SLC27A6: variants seen among roughly 807,000 people sequenced by gnomAD.
SLC27A6 encodes the protein solute carrier family 27 member 6.
Under a neutral mutation model 63.9 loss-of-function variants are expected in SLC27A6, and 74 were observed. That is an observed-to-expected ratio of 1.16 (90% CI 0.96 to 1.40). The LOEUF (loss-of-function observed/expected upper bound fraction) is 1.40, where lower values mean the gene tolerates loss of function less well. Ranked by LOEUF, SLC27A6 falls within the 40% of genes most tolerant of loss-of-function variation. The pLI is 0.00. For synonymous variants in SLC27A6, 287 were observed against 260.8 expected (o/e 1.10, Z -0.97); for missense variants, 794 against 732.9 (o/e 1.08, Z -0.96).
Position 128,965,988 on chromosome 5 carries a change from C to T in SLC27A6, c.-150C>T, listed in dbSNP as rs1002058073. 4.8e-6 allele frequency: 4 copies of T among 837,062 alleles called. No homozygotes were observed. The highest frequency in any genetic ancestry group is 1.7e-5 in the African/African-American group (1 of 58,510). The allele number at this position is 837,062 out of a possible 1,614,324, so 51.9% of individuals were successfully genotyped here. A position where few individuals can be genotyped will look rare whatever the true frequency, so the allele number is the denominator to read the frequency against. On this transcript the variant is annotated 5_prime_UTR_variant, in exon 1 of 10. Coordinates refer to ENST00000262462, the MANE Select transcript of SLC27A6 (RefSeq NM_001017372.3). ...GATTCTGTTTCTCAGGATTCCTCCC[C>T]ATCCCGCTTCGCCCCGGAAAAGCTG...
Position 129,033,069 on chromosome 5 carries a change from T to C in SLC27A6, c.1684-37T>C, listed in dbSNP as rs746979497. The C allele has an allele frequency of 2.8e-6, 4 of 1,431,590 alleles. No individual in the cohort carries two copies. In the Admixed American group the frequency reaches 7.7e-5, roughly 28 times the overall value. The allele number at this position is 1,431,590 out of a possible 1,614,324, so 88.7% of individuals were successfully genotyped here. A position where few individuals can be genotyped will look rare whatever the true frequency, so the allele number is the denominator to read the frequency against. On this transcript the variant is annotated intron_variant, in intron 9 of 9. Transcript: ENST00000262462. ...ACTATATATGTATATATTATAGTTA[T>C]TAAATGATTCTACTCATCCTGGTAA...
intron 4 of SLC27A6, among the ~76,000 whole-genome samples, chr5:129,000,441 G>T (rs983011741): frequency 6.6e-6 from 1 of 152,142 alleles, no homozygotes; most frequent in African/African-American, 2.4e-5. Flanking sequence ...AAGTCCAGTT[G>T]CTGGGATACT....
chr5:128,999,350 G>T (rs1205060615), intron 4 of SLC27A6, among the ~76,000 whole-genome samples: 2 of 152,046 alleles, frequency 1.3e-5, no homozygotes, highest in African/African-American at 4.8e-5. Flanking sequence ...CCAGTTTATG[G>T]CTTCAAAGTC....
At chr5:129,007,631 T>G (rs1193515630) in intron 4 of SLC27A6, among the ~76,000 whole-genome samples, 1 of 152,076 alleles carries the variant, frequency 6.6e-6, no homozygotes, top group Non-Finnish European at 1.5e-5. Context: ...CATTTTAAAT[T>G]AAATGAAATG....
intron 4 of SLC27A6, 107 bp downstream of exon 4, chr5:128,990,571 G>T: frequency 8.3e-7 from 1 of 1,200,376 alleles, no homozygotes; most frequent in Non-Finnish European, 1.1e-6. Context: ...TTACTGGCGG[G>T]TCTTTGTTCT....
intron 4 of SLC27A6, among the ~76,000 whole-genome samples, chr5:129,003,779 A>G (rs545848806): frequency 1.3e-5 from 2 of 151,866 alleles, no homozygotes; most frequent in Non-Finnish European, 2.9e-5. Context: ...AGACCAGCCT[A>G]TGCAACATAG....
intron 4 of SLC27A6, among the ~76,000 whole-genome samples, chr5:128,997,419 G>A (rs1418692960): frequency 1.3e-5 from 2 of 152,136 alleles, no homozygotes; most frequent in Non-Finnish European, 2.9e-5. Context: ...AAAGCATTTA[G>A]AGAAGTTGGT....
chr5:128,968,269 A>G (rs932762775), intron 1 of SLC27A6, among the ~76,000 whole-genome samples: 18 of 152,194 alleles, frequency 1.2e-4, no homozygotes, highest in Non-Finnish European at 2.4e-4. Flanking sequence ...TCCTTTGGGT[A>G]TATACCCGGT....
chr5:129,006,644 T>C (rs1232419800), intron 4 of SLC27A6, among the ~76,000 whole-genome samples: 1 of 152,138 alleles, frequency 6.6e-6, no homozygotes, highest in Non-Finnish European at 1.5e-5. Flanking sequence ...ACCTGAAACA[T>C]GTTACTGGTA....
intron 6 of SLC27A6, among the ~76,000 whole-genome samples, chr5:129,025,056 C>A (rs571659341): frequency 6.6e-6 from 1 of 152,120 alleles, no homozygotes; most frequent in African/African-American, 2.4e-5. Context: ...CTATTTCTTA[C>A]AATTATAGTA....
intron 1 of SLC27A6, among the ~76,000 whole-genome samples, chr5:128,967,170 C>T (rs960307764): frequency 7.1e-6 from 1 of 140,312 alleles, no homozygotes; most frequent in Non-Finnish European, 1.6e-5. Context: ...CTCTAGGAGC[C>T]TTTCTGTTTC....
intron 4 of SLC27A6, among the ~76,000 whole-genome samples, chr5:128,996,749 G>T (rs1394767831): frequency 6.7e-6 from 1 of 149,814 alleles, no homozygotes; most frequent in African/African-American, 2.5e-5. Context: ...AGTTTTCTTT[G>T]TCATATCTAG....
chr5:129,031,993 C>T (rs1035804778), intron 9 of SLC27A6, among the ~76,000 whole-genome samples: 9 of 151,876 alleles, frequency 5.9e-5, no homozygotes, highest in African/African-American at 2.2e-4. Context: ...AATGGCCAAG[C>T]TACTCATAGA....
At chr5:129,001,273 T>C (rs1382170056) in intron 4 of SLC27A6, among the ~76,000 whole-genome samples, 1 of 152,196 alleles carries the variant, frequency 6.6e-6, no homozygotes, top group Non-Finnish European at 1.5e-5. Context: ...AAAGAAAATC[T>C]GTTCTTCTGC....
chr5:129,007,988 A>G (rs897792064), intron 4 of SLC27A6, among the ~76,000 whole-genome samples: 2 of 152,220 alleles, frequency 1.3e-5, no homozygotes, highest in South Asian at 4.1e-4. Context: ...ATATATGGCC[A>G]TATTATGGTG....
At chr5:129,016,112 C>A in intron 5 of SLC27A6, 33 bp downstream of exon 5, 1 of 1,487,678 alleles carries the variant, frequency 6.7e-7, no homozygotes, top group Non-Finnish European at 9.1e-7. Context: ...TAAAGAAATA[C>A]ATCGGTGCGG....
intron 5 of SLC27A6, among the ~76,000 whole-genome samples, chr5:129,017,187 G>T (rs194459): frequency 0.22 from 34,139 of 151,770 alleles, 3,912 homozygotes; most frequent in Middle Eastern, 0.28. Context: ...AAAGTTACTG[G>T]GCCAGTTAGG....
chr5:128,981,151 G>C (rs556499334), intron 1 of SLC27A6, among the ~76,000 whole-genome samples: 93 of 152,200 alleles, frequency 6.1e-4, no homozygotes, highest in African/African-American at 2.0e-3. Flanking sequence ...CAGAAATTAA[G>C]CCTACAATGT....
chr5:128,974,112 C>T (rs970000041), intron 1 of SLC27A6, among the ~76,000 whole-genome samples: 2 of 152,230 alleles, frequency 1.3e-5, no homozygotes, highest in Non-Finnish European at 2.9e-5. Context: ...AGAGATTCGT[C>T]TTAAAGTACA....
Sources: allele counts gnomAD v4.1 joint callset (sites outside exome capture counted in the v4.1 genomes callset), GRCh38; gene constraint gnomAD v4.1.1; transcripts MANE v1.5; gene names NCBI Gene and HGNC (gene_info 2026-07-23, HGNC 2026-07-21).